Variants in SDK1 observed in about 807,000 individuals in gnomAD.
SDK1 encodes the protein sidekick cell adhesion molecule 1, also known as protein sidekick-1.
SDK1 carries 157 observed loss-of-function variants against 245.5 expected under a neutral mutation model. That is an observed-to-expected ratio of 0.64 (90% CI 0.56 to 0.73). SDK1 has a LOEUF of 0.73. Among genes scored for constraint, SDK1 ranks in the 30% least tolerant of loss-of-function variants. SDK1 has a pLI of 0.00. For missense variants in SDK1, 3,583 were observed against 3,002.3 expected, an observed-to-expected ratio of 1.19 and a Z score of -4.52; for synonymous variants, 1,647 against 1,278.5, an observed-to-expected ratio of 1.29 and a Z score of -6.15.
intron 4 of SDK1, among the ~76,000 whole-genome samples, chr7:3,663,308 A>C (rs1221486795): frequency 6.6e-6 from 1 of 152,202 alleles, no homozygotes; most frequent in Non-Finnish European, 1.5e-5. Flanking sequence ...TTCAAGTGGG[A>C]TAATTGTAGG....
At position 4,268,420 on chromosome 7, in the gene SDK1, C is replaced by G; in HGVS notation, c.*3036C>G. The G allele has an allele frequency of 8.9e-7, 1 of 1,120,506 alleles. No individual in the cohort carries two copies. Among genetic ancestry groups the G allele is most frequent in the Non-Finnish European group, 1.1e-6 (1 of 904,744 alleles). 69.4% of individuals were successfully genotyped at this position (1,120,506 alleles called of 1,614,324 possible). A position where few individuals can be genotyped will look rare whatever the true frequency, so the allele number is the denominator to read the frequency against. The stretch of plus-strand genomic sequence containing the variant: ...TCCAGCCCAAGCCCCTCTCCCCAGC[C>G]TCGCCTTCAGCCTCTCTCCCAGCCT... On this transcript the variant is annotated 3_prime_UTR_variant, in exon 45 of 45. Transcript: ENST00000404826.
chr7:3,489,014 C>T (rs1020416769), intron 1 of SDK1, among the ~76,000 whole-genome samples: 4 of 151,902 alleles, frequency 2.6e-5, no homozygotes, highest in African/African-American at 4.8e-5. Context: ...TTAAACCAGT[C>T]GTTGGGAATG....
chr7:3,717,462 C>T (rs1310732732), intron 4 of SDK1, among the ~76,000 whole-genome samples: 1 of 152,096 alleles, frequency 6.6e-6, no homozygotes, highest in African/African-American at 2.4e-5. Context: ...AAATTTATAG[C>T]ATTAAATGTG....
chr7:4,072,880 G>C (rs536491281), intron 20 of SDK1, among the ~76,000 whole-genome samples: 1 of 152,232 alleles, frequency 6.6e-6, no homozygotes, highest in Non-Finnish European at 1.5e-5. Flanking sequence ...TGAGAGGGAA[G>C]CACGGAGTAG....
intron 1 of SDK1, among the ~76,000 whole-genome samples, chr7:3,455,167 A>AGC: frequency 6.6e-6 from 1 of 151,916 alleles, no homozygotes; most frequent in African/African-American, 2.4e-5. Context: ...GAGTTTTAAA[A>AGC]ATATATATTC....
intron 1 of SDK1, among the ~76,000 whole-genome samples, chr7:3,558,443 TC>T (rs1383564938): frequency 6.6e-6 from 1 of 152,234 alleles, no homozygotes; most frequent in Non-Finnish European, 1.5e-5. Context: ...ACTTCTGTAT[TC>T]CAGGATTTGT....
At chr7:3,839,837 A>T (rs2115086102) in intron 5 of SDK1, among the ~76,000 whole-genome samples, 1 of 152,346 alleles carries the variant, frequency 6.6e-6, no homozygotes, top group South Asian at 2.1e-4. Context: ...TTTTAGAGTC[A>T]CAGGAAATTT....
intron 1 of SDK1, among the ~76,000 whole-genome samples, chr7:3,483,567 T>C (rs1234653862): frequency 6.6e-6 from 1 of 152,212 alleles, no homozygotes; most frequent in Non-Finnish European, 1.5e-5. Flanking sequence ...TTGCAATCCC[T>C]GCACCACTAC....
At chr7:3,859,409 A>C (rs1282401843) in intron 5 of SDK1, among the ~76,000 whole-genome samples, 1 of 152,124 alleles carries the variant, frequency 6.6e-6, no homozygotes, top group Non-Finnish European at 1.5e-5. Context: ...CTTCAGTAAC[A>C]GAAAACCTCA....
At chr7:3,959,566 G>A (rs887812040) in intron 8 of SDK1, among the ~76,000 whole-genome samples, 3 of 152,120 alleles carry the variant, frequency 2.0e-5, no homozygotes, top group South Asian at 4.2e-4. Context: ...ATTTCTCATC[G>A]CCCACCCCAC....
chr7:3,984,504 T>C (rs1218982286), intron 13 of SDK1, among the ~76,000 whole-genome samples: 1 of 152,204 alleles, frequency 6.6e-6, no homozygotes, highest in Non-Finnish European at 1.5e-5. Context: ...AGAGAAAGTG[T>C]GCAGAGACAC....
chr7:3,440,162 G>A (rs1201308818), intron 1 of SDK1, among the ~76,000 whole-genome samples: 2 of 152,126 alleles, frequency 1.3e-5, no homozygotes, highest in Admixed American at 1.3e-4. Flanking sequence ...GTAGTGTGAT[G>A]GAATCTCGCA....
chr7:4,174,046 G>C (rs921652277), intron 32 of SDK1, among the ~76,000 whole-genome samples, 176 bp from the exon 33 acceptor site: 1 of 152,208 alleles, frequency 6.6e-6, no homozygotes, highest in Non-Finnish European at 1.5e-5. Context: ...TCCACAGCTT[G>C]GTGCTGTGCC....
chr7:3,819,499 G>C lies in SDK1; in HGVS notation c.714-1951G>C, dbSNP rs144734872. On this transcript the variant is annotated intron_variant, in intron 4 of 44. Transcript: ENST00000404826. ...TGTCAAAGAAAAAGTTATATATTCA[G>C]TTTTTAAATTGTACTATTAAATGTG... is the stretch of plus-strand genomic sequence containing the variant. Among the ~76,000 whole-genome samples, 5 of 151,920 alleles carry C rather than the reference G, an allele frequency of 3.3e-5. No individual in the cohort carries two copies. In the East Asian group the frequency reaches 9.6e-4, roughly 29 times the overall value.
intron 5 of SDK1, among the ~76,000 whole-genome samples, chr7:3,828,616 T>C (rs1779835921): frequency 6.6e-6 from 1 of 151,000 alleles, no homozygotes; most frequent in Admixed American, 6.6e-5. Context: ...CCGAGTCATA[T>C]GGTTAAAAAC....
intron 5 of SDK1, among the ~76,000 whole-genome samples, chr7:3,822,937 G>C (rs1308641316): frequency 1.3e-5 from 2 of 152,156 alleles, no homozygotes; most frequent in Non-Finnish European, 2.9e-5. Context: ...TGGGGTCTCA[G>C]ATGCCTGCCT....
chr7:3,581,166 A>G (rs138593341), intron 1 of SDK1, among the ~76,000 whole-genome samples: 152 of 152,250 alleles, frequency 1.0e-3, no homozygotes, highest in African/African-American at 3.5e-3. Context: ...TCAACAGAGT[A>G]TGCAGACAAT....
intron 20 of SDK1, among the ~76,000 whole-genome samples, chr7:4,068,181 G>A (rs576540169): frequency 5.9e-5 from 9 of 152,264 alleles, no homozygotes; most frequent in East Asian, 1.9e-4. Context: ...TGTTCTCCTC[G>A]CATGATCTTA....
rs1004334481 is a variant in SDK1 at position 4,026,945 on chromosome 7, T to G, written c.2602+9593T>G. On this transcript the variant is annotated intron_variant, in intron 17 of 44. Transcript: ENST00000404826. The surrounding 1 kb of genome is among the most constrained non-coding windows in gnomAD (Gnocchi z 4.1). ...AATTCTATGTGGTAACCTGGAGAAA[T>G]GGACACCTGTGAATCCCTGCTGTGT... 6.6e-6 allele frequency among the ~76,000 whole-genome samples: 1 copy of G among 152,176 alleles called. No homozygotes were observed. The highest frequency in any genetic ancestry group is 2.4e-5 in the African/African-American group (1 of 41,456).
Sources: allele counts gnomAD v4.1 joint callset (sites outside exome capture counted in the v4.1 genomes callset), GRCh38; gene constraint gnomAD v4.1.1; non-coding constraint Gnocchi (gnomAD v3.1); transcripts MANE v1.5; gene names NCBI Gene and HGNC (gene_info 2026-07-23, HGNC 2026-07-21).